The following CNNM2 variants were observed in gnomAD, a reference collection of about 807,000 sequenced individuals.
CNNM2 encodes the protein cyclin and CBS domain divalent metal cation transport mediator 2.
In CNNM2, 12 loss-of-function variants were observed where a neutral mutation model predicts 66.9. The observed-to-expected ratio is 0.18, with a 90% CI of 0.11 to 0.29. The LOEUF is 0.29. Among genes scored for constraint, CNNM2 ranks in the 10% least tolerant of loss-of-function variants. The pLI is 1.00. For synonymous variants in CNNM2, 557 were observed against 501.8 expected, an observed-to-expected ratio of 1.11 and a Z score of -1.47; for missense variants, 705 against 1,167.7, an observed-to-expected ratio of 0.60 and a Z score of 5.77.
At position 103,064,382 on chromosome 10, in the gene CNNM2, A is replaced by G. The variant is rs111530986; in HGVS notation, c.2074-4247A>G. The stretch of plus-strand genomic sequence containing the variant: ...TTTTATGAAATGATGGTAACAGTAG[A>G]TAGCTGTTTTTTTTGTTTTGTTTTG... On this transcript the variant is annotated intron_variant, in intron 4 of 7. Transcript: ENST00000369878. 5.3e-3 allele frequency among the ~76,000 whole-genome samples: 789 copies of G among 149,260 alleles called. 8 individuals carry two copies. Among genetic ancestry groups the G allele is most frequent in the African/African-American group, 0.018 (758 of 41,194 alleles).
At chr10:102,939,979 AAAC>A (rs141860759) in intron 1 of CNNM2, among the ~76,000 whole-genome samples, 5 of 150,930 alleles carry the variant, frequency 3.3e-5, no homozygotes, top group South Asian at 4.2e-4. Context: ...AAAAACAAAC[AAAC>A]AACAACAACA....
intron 1 of CNNM2, among the ~76,000 whole-genome samples, chr10:102,921,323 G>GTC (rs1845627652): frequency 6.6e-6 from 1 of 152,190 alleles, no homozygotes; most frequent in South Asian, 2.1e-4. Context: ...ACTGGTAGTA[G>GTC]TCTCTCCTCT....
chr10:103,010,165 T>C (rs1187401619), intron 1 of CNNM2, among the ~76,000 whole-genome samples: 1 of 152,104 alleles, frequency 6.6e-6, no homozygotes, highest in Non-Finnish European at 1.5e-5. Context: ...TAACGTAATA[T>C]AGAAACATGT....
At chr10:103,024,685 A>T (rs2134291285) in intron 1 of CNNM2, among the ~76,000 whole-genome samples, 1 of 151,990 alleles carries the variant, frequency 6.6e-6, no homozygotes, top group Admixed American at 6.6e-5. Flanking sequence ...TCACCGTGTT[A>T]GTCAGGATGA....
intron 1 of CNNM2, among the ~76,000 whole-genome samples, chr10:102,943,809 T>C (rs1846513091): frequency 6.6e-6 from 1 of 152,246 alleles, no homozygotes. Flanking sequence ...TGTGTTTATG[T>C]CTGTACACAT....
At chr10:103,071,457 G>C (rs1200310472) in intron 5 of CNNM2, among the ~76,000 whole-genome samples, 3 of 152,162 alleles carry the variant, frequency 2.0e-5, no homozygotes, top group African/African-American at 7.2e-5. Context: ...CTTTTGCGCA[G>C]CTACTGGTGA....
intron 1 of CNNM2, among the ~76,000 whole-genome samples, chr10:102,947,182 C>T (rs991454026): frequency 1.3e-5 from 2 of 152,054 alleles, no homozygotes; most frequent in East Asian, 3.9e-4. Flanking sequence ...AATCATTTTC[C>T]TACTGCTTCA....
At chr10:103,016,294 AG>A (rs1419771269) in intron 1 of CNNM2, among the ~76,000 whole-genome samples, 2 of 152,170 alleles carry the variant, frequency 1.3e-5, no homozygotes, top group African/African-American at 4.8e-5. Context: ...AAGCTCTAAA[AG>A]ATCTCTTTTT....
intron 1 of CNNM2, among the ~76,000 whole-genome samples, chr10:102,930,591 T>C: frequency 6.6e-6 from 1 of 152,216 alleles, no homozygotes; most frequent in Middle Eastern, 3.2e-3. Context: ...CCTTTTAAAG[T>C]ATGTGATTTG....
chr10:102,930,876 A>G (rs1294823102), intron 1 of CNNM2, among the ~76,000 whole-genome samples: 1 of 152,116 alleles, frequency 6.6e-6, no homozygotes. Flanking sequence ...TCAGTATTTC[A>G]TTCCTTTTTA....
chr10:103,025,002 C>A (rs535525168), intron 1 of CNNM2, among the ~76,000 whole-genome samples: 2 of 152,162 alleles, frequency 1.3e-5, no homozygotes, highest in Non-Finnish European at 2.9e-5. Context: ...TTAGGTGGTA[C>A]ATATGGTCTG....
At chr10:102,962,689 A>ACT (rs1351265183) in intron 1 of CNNM2, among the ~76,000 whole-genome samples, 4 of 101,734 alleles carry the variant, frequency 3.9e-5, no homozygotes, top group Admixed American at 2.4e-4. Flanking sequence ...AATATGATAT[A>ACT]CTGTGTGTGT....
intron 4 of CNNM2, among the ~76,000 whole-genome samples, chr10:103,058,962 T>A (rs2065339810): frequency 6.6e-6 from 1 of 152,136 alleles, no homozygotes; most frequent in Admixed American, 6.6e-5. Context: ...TTTGTTTGTT[T>A]TTTTGTTTGT....
chr10:102,998,402 G>A (rs548320725), intron 1 of CNNM2, among the ~76,000 whole-genome samples: 28 of 152,250 alleles, frequency 1.8e-4, no homozygotes, highest in African/African-American at 6.7e-4. Context: ...ACTATCAAAT[G>A]CAGCTCAAAT....
Position 102,919,488 on chromosome 10 carries a change from C to T in CNNM2, c.1008C>T (p.Asp336=), listed in dbSNP as rs764646748. 1 of 1,612,722 alleles carries T rather than the reference C, an allele frequency of 6.2e-7. No homozygotes were observed. The change falls in exon 1 of 8, where the codon GAC becomes GAT. Residue 336 remains aspartate, a synonymous_variant. Coordinates refer to ENST00000369878, the MANE Select transcript of CNNM2 (RefSeq NM_017649.5). ...VNTTLTILLD[D]IAGSGLVAVV... Reference sequence around the variant, plus strand: ...CCACGCTCACCATCCTGCTCGACGACATCGCCGGCTCGGGCCTCGTGGCCG... The same window carrying T: ...CCACGCTCACCATCCTGCTCGACGATATCGCCGGCTCGGGCCTCGTGGCCG...
At chr10:102,973,891 C>T (rs960594654) in intron 1 of CNNM2, among the ~76,000 whole-genome samples, 2 of 150,394 alleles carry the variant, frequency 1.3e-5, no homozygotes, top group African/African-American at 4.9e-5. Flanking sequence ...GCTCCCTACC[C>T]TCTCCCCAGA....
At chr10:102,942,700 T>C (rs1009905814) in intron 1 of CNNM2, among the ~76,000 whole-genome samples, 4 of 152,234 alleles carry the variant, frequency 2.6e-5, no homozygotes, top group Admixed American at 6.5e-5. Flanking sequence ...CTAGGTCATA[T>C]AGTAATTCTA....
chr10:103,031,050 A>G, intron 1 of CNNM2, among the ~76,000 whole-genome samples: 1 of 152,138 alleles, frequency 6.6e-6, no homozygotes, highest in East Asian at 1.9e-4. Flanking sequence ...TAGGGTTTTC[A>G]GTCTGTGCTT....
chr10:103,052,748 A>C (rs1054353969), intron 2 of CNNM2, among the ~76,000 whole-genome samples: 12 of 152,148 alleles, frequency 7.9e-5, no homozygotes, highest in Non-Finnish European at 1.5e-4. Context: ...TCCTGACCTC[A>C]AGTGATCCAC....
Sources: allele counts gnomAD v4.1 joint callset (sites outside exome capture counted in the v4.1 genomes callset), GRCh38; gene constraint gnomAD v4.1.1; transcripts MANE v1.5; gene names NCBI Gene and HGNC (gene_info 2026-07-23, HGNC 2026-07-21).